Variants in ITPR2 observed in about 807,000 individuals in gnomAD.
The protein encoded by ITPR2 is inositol 1,4,5-trisphosphate receptor type 2, also known as inositol 1,4,5-trisphosphate-gated calcium channel ITPR2.
In ITPR2, 207 loss-of-function variants were observed where a neutral mutation model predicts 317.1. The observed-to-expected ratio is 0.65, with a 90% CI of 0.58 to 0.73. The LOEUF is 0.73. Among genes scored for constraint, ITPR2 ranks in the 30% least tolerant of loss-of-function variants. The pLI is 0.00. For missense variants in ITPR2, 2,613 were observed against 3,284.0 expected, an observed-to-expected ratio of 0.80 and a Z score of 4.99; for synonymous variants, 1,156 against 1,149.1, an observed-to-expected ratio of 1.01 and a Z score of -0.12.
chr12:26,436,576 T>C (rs1257367700), intron 47 of ITPR2, among the ~76,000 whole-genome samples: 1 of 152,218 alleles, frequency 6.6e-6, no homozygotes, highest in Non-Finnish European at 1.5e-5. Flanking sequence ...CCTAAACTAC[T>C]GTAGAAGGGT....
At chr12:26,630,109 CA>C (rs1466143925) in intron 22 of ITPR2, among the ~76,000 whole-genome samples, 4 of 152,226 alleles carry the variant, frequency 2.6e-5, no homozygotes, top group South Asian at 4.2e-4. Context: ...GAGCAGAAGG[CA>C]GGGGGCAGAG....
chr12:26,469,953 A>G (rs1386474571), intron 45 of ITPR2, among the ~76,000 whole-genome samples: 2 of 152,208 alleles, frequency 1.3e-5, no homozygotes, highest in Non-Finnish European at 2.9e-5. Context: ...AAATATTGGA[A>G]GAAGTGGAAA....
At chr12:26,563,911 C>T (rs1047276170) in intron 34 of ITPR2, among the ~76,000 whole-genome samples, 1 of 152,158 alleles carries the variant, frequency 6.6e-6, no homozygotes, top group African/African-American at 2.4e-5. Context: ...CACCTAGGAT[C>T]ACAAGGAAAA....
chr12:26,453,680 CTCAGATCCA>C (rs1405824154), intron 45 of ITPR2, among the ~76,000 whole-genome samples: 1 of 152,148 alleles, frequency 6.6e-6, no homozygotes, highest in Non-Finnish European at 1.5e-5. Context: ...ATATGTTTTC[CTCAGATCCA>C]GAGATGACCA....
chr12:26,688,581 G>A (rs1221488676), intron 10 of ITPR2, among the ~76,000 whole-genome samples: 2 of 152,092 alleles, frequency 1.3e-5, no homozygotes, highest in Non-Finnish European at 2.9e-5. Flanking sequence ...AAAGAAGGAA[G>A]GAGAGGAGGT....
intron 26 of ITPR2, among the ~76,000 whole-genome samples, chr12:26,608,412 C>A (rs1946187186): frequency 6.6e-6 from 1 of 152,154 alleles, no homozygotes; most frequent in South Asian, 2.1e-4. Flanking sequence ...GGGCCCCCCA[C>A]CGTCTGGGAA....
chr12:26,498,899 CAATCATA>C (rs1419389308), intron 37 of ITPR2, among the ~76,000 whole-genome samples: 1 of 152,036 alleles, frequency 6.6e-6, no homozygotes, highest in Admixed American at 6.5e-5. Flanking sequence ...TACAGTGGCA[CAATCATA>C]GCTCATTGCA....
intron 36 of ITPR2, among the ~76,000 whole-genome samples, chr12:26,553,109 T>C (rs1944569015): frequency 6.6e-6 from 1 of 152,208 alleles, no homozygotes. Flanking sequence ...CTCTGATAAT[T>C]TGTATCTTCT....
chr12:26,697,280 T>C (rs1948369019), intron 9 of ITPR2, among the ~76,000 whole-genome samples: 1 of 152,120 alleles, frequency 6.6e-6, no homozygotes, highest in Non-Finnish European at 1.5e-5. Flanking sequence ...TGCACAGAGC[T>C]CACTCATCTG....
At chr12:26,582,063 T>C (rs1427993059) in intron 32 of ITPR2, among the ~76,000 whole-genome samples, 1 of 152,216 alleles carries the variant, frequency 6.6e-6, no homozygotes, top group Non-Finnish European at 1.5e-5. Flanking sequence ...ATGAAAAGTC[T>C]GTGTTTTACA....
In ITPR2 at chr12:26,831,694, T is replaced by A. The variant is rs1592167799; in HGVS notation, c.92+996A>T. 8.5e-6 allele frequency among the ~76,000 whole-genome samples: 1 copy of A among 118,124 alleles called. No homozygotes were observed. The highest frequency in any genetic ancestry group is 2.5e-4 in the East Asian group (1 of 4,006). The allele number at this position is 118,124 out of a possible 152,430, so 77.5% of individuals were successfully genotyped here. ...TTTATATATAAATATATATATATAT[T>A]CTACATAAAATATATAAATATATAT... On this transcript the variant is annotated intron_variant, in intron 1 of 56. Coordinates refer to ENST00000381340, the MANE Select transcript of ITPR2 (RefSeq NM_002223.4). This position sits in a 1 kb window ranked among gnomAD's most constrained non-coding sequence, Gnocchi z 4.9.
At chr12:26,756,482 T>G (rs1949522199) in intron 2 of ITPR2, among the ~76,000 whole-genome samples, 1 of 152,236 alleles carries the variant, frequency 6.6e-6, no homozygotes, top group Admixed American at 6.5e-5. Flanking sequence ...TATGTTGCTT[T>G]ACTGTTGTGT....
In ITPR2 at chr12:26,722,572, T is replaced by C. The variant is rs767953632; in HGVS notation, c.367-17A>G. Reference sequence around the variant, plus strand: ...ATGCAGTAGCTATAGGGAAAAGACATAGATTACCACCTTTATTCTTTGTTC... The same window carrying C: ...ATGCAGTAGCTATAGGGAAAAGACACAGATTACCACCTTTATTCTTTGTTC... On this transcript the variant is annotated splice_polypyrimidine_tract_variant and intron_variant, in intron 4 of 56. Transcript: ENST00000381340. 6 of 1,586,614 alleles carry C rather than the reference T, an allele frequency of 3.8e-6. No homozygotes were observed. Among genetic ancestry groups the C allele is most frequent in the Non-Finnish European group, 1.7e-6 (2 of 1,157,536 alleles).
intron 22 of ITPR2, among the ~76,000 whole-genome samples, chr12:26,630,389 G>A (rs924941818): frequency 6.8e-6 from 1 of 147,712 alleles, no homozygotes. Flanking sequence ...GAGAGAGAGA[G>A]AATGAGAGAG....
chr12:26,342,518 G>GGGGGGGGA (rs1938162099), intron 55 of ITPR2, among the ~76,000 whole-genome samples: 1 of 75,322 alleles, frequency 1.3e-5, no homozygotes, highest in African/African-American at 5.0e-5. Context: ...GGGGGGCGGG[G>GGGGGGGGA]GTCAGATCCC....
intron 49 of ITPR2, among the ~76,000 whole-genome samples, chr12:26,425,624 C>T (rs1404736598): frequency 4.0e-5 from 6 of 150,314 alleles, no homozygotes; most frequent in Admixed American, 6.6e-5. Context: ...GCCGAGATCA[C>T]GCCACTGCAC....
intron 2 of ITPR2, among the ~76,000 whole-genome samples, chr12:26,772,518 CATT>C (rs1949881803): frequency 1.3e-5 from 1 of 75,556 alleles, no homozygotes; most frequent in East Asian, 2.9e-4. Flanking sequence ...ATATATAATA[CATT>C]ATTATATATA....
intron 13 of ITPR2, among the ~76,000 whole-genome samples, chr12:26,676,688 A>T (rs1038709587): frequency 6.6e-5 from 10 of 152,182 alleles, no homozygotes; most frequent in Non-Finnish European, 1.5e-4. Context: ...TTGTTTAAAA[A>T]ATATAATTAA....
At position 26,619,398 on chromosome 12, in the gene ITPR2, G is replaced by A. The variant is rs143852030; in HGVS notation, c.3462+1725C>T. ...ATCCAGTTTTGTTCGGCCATCTATC[G>A]TTCTCCCAGGTAATTCAGGGTGGTG... is the stretch of plus-strand genomic sequence containing the variant. On this transcript the variant is annotated intron_variant, in intron 26 of 56. Transcript: ENST00000381340. 4.5e-3 allele frequency among the ~76,000 whole-genome samples: 684 copies of A among 152,170 alleles called. 3 individuals carry two copies. The highest frequency in any genetic ancestry group is 8.5e-3 in the Non-Finnish European group (575 of 68,018).
Sources: gnomAD v4.1 joint callset for allele counts (sites outside exome capture counted in the v4.1 genomes callset) on GRCh38, gnomAD v4.1.1 for gene constraint, Gnocchi (gnomAD v3.1) non-coding constraint, MANE v1.5 for transcripts, NCBI Gene and HGNC (gene_info 2026-07-23, HGNC 2026-07-21) for gene names.